Variants in FAM221B observed in about 807,000 individuals in gnomAD.
FAM221B encodes family with sequence similarity 221 member B.
Under a neutral mutation model 39.8 loss-of-function variants are expected in FAM221B, and 35 were observed. The ratio of observed to expected loss-of-function variants is 0.88; its 90% CI spans 0.67 to 1.17. FAM221B has a LOEUF of 1.17. FAM221B is among the 50% of genes most tolerant of loss of function. The probability of loss-of-function intolerance (pLI) is 0.00; values close to 1 mark genes in which losing one functional copy is unlikely to be tolerated. For missense variants in FAM221B, 479 were observed against 503.1 expected, an observed-to-expected ratio of 0.95 and a Z score of 0.46; for synonymous variants, 158 against 178.1, an observed-to-expected ratio of 0.89 and a Z score of 0.90.
rs759900623 is a variant in FAM221B at position 35,825,588 on chromosome 9, T to C, written c.574A>G (p.Thr192Ala). The stretch of plus-strand genomic sequence containing the variant: ...CCTAGTTGGTGTCCAGGTTGGGCTG[T>C]GTGAGCAGTGCTGTCACTGGCATCT... The part of the protein sequence containing the change: ...GVDASDSTAH[T>A]AQPGHQLGNT... The change falls in exon 2 of 7, where the codon ACA becomes GCA. Residue 192 changes from threonine to alanine, a missense_variant. By Grantham distance (58) the Thr-to-Ala change is moderately conservative. Transcript: ENST00000423537. The surrounding 1 kb of genome is among the most constrained non-coding windows in gnomAD (Gnocchi z 4.2). 1 of 1,613,224 alleles carries C rather than the reference T, an allele frequency of 6.2e-7. No individual in the cohort carries two copies. The highest frequency in any genetic ancestry group is 1.7e-5 in the Admixed American group (1 of 59,950).
In FAM221B at chr9:35,825,636, C is replaced by T. The variant is rs766706252; in HGVS notation, c.526G>A (p.Ala176Thr). ...VDTTEKQEEEAGEVEKGVDAS... is the reference protein window; with the variant it reads ...VDTTEKQEEETGEVEKGVDAS... Reference sequence around the variant, plus strand: ...TCTACTCCCTTTTCAACCTCTCCTGCTTCTTCCTCCTGCTTTTCGGTTGTG... The same window carrying T: ...TCTACTCCCTTTTCAACCTCTCCTGTTTCTTCCTCCTGCTTTTCGGTTGTG... The change falls in exon 2 of 7, where the codon GCA becomes ACA. Residue 176 changes from alanine (A) to threonine (T), a missense_variant. Physicochemically the swap from Ala to Thr is moderately conservative, Grantham distance 58 (BLOSUM62 0). Coordinates refer to ENST00000423537, the MANE Select transcript of FAM221B (RefSeq NM_001012446.4). This position sits in a 1 kb window ranked among gnomAD's most constrained non-coding sequence, Gnocchi z 4.2. 1.3e-5 allele frequency: 21 copies of T among 1,614,210 alleles called. No individual in the cohort carries two copies. Among genetic ancestry groups the T allele is most frequent in the Non-Finnish European group, 1.8e-5 (21 of 1,180,016 alleles).
intron 3 of FAM221B, among the ~76,000 whole-genome samples, chr9:35,824,765 T>C (rs1303996541): frequency 6.7e-6 from 1 of 149,900 alleles, no homozygotes; most frequent in Non-Finnish European, 1.5e-5. Context: ...CACTGCAAGC[T>C]CCACCTCCCG....
At chr9:35,824,455 C>A (rs1829246140) in intron 3 of FAM221B, among the ~76,000 whole-genome samples, 1 of 152,148 alleles carries the variant, frequency 6.6e-6, no homozygotes, top group South Asian at 2.1e-4. Context: ...CCTTTGGTAA[C>A]AGAACTCAAA....
chr9:35,819,321 C>G lies in FAM221B; in HGVS notation c.927G>C (p.Glu309Asp). The change falls in exon 5 of 7, where the codon GAG (glutamate) becomes GAC (aspartate). Residue 309 changes from glutamate to aspartate, a missense_variant. Physicochemically the swap from Glu to Asp is conservative, Grantham distance 45. Coordinates refer to ENST00000423537, the MANE Select transcript of FAM221B (RefSeq NM_001012446.4). ...MFCFIPSRPE[E>D]VGEFWLKRRA... ...GTCTCTTGAGCCAGAACTCACCCAC[C>G]TCCTCTGGGCGTGATGGGATAAAGC... 1.3e-6 allele frequency: 2 copies of G among 1,551,726 alleles called. No homozygotes were observed. The highest frequency in any genetic ancestry group is 1.7e-6 in the Non-Finnish European group (2 of 1,146,992).
chr9:35,828,714 A>G lies in FAM221B; in HGVS notation c.-252T>C, dbSNP rs1017778864. On this transcript the variant is annotated 5_prime_UTR_variant, in exon 1 of 7. Transcript: ENST00000423537. This position sits in a 1 kb window ranked among gnomAD's most constrained non-coding sequence, Gnocchi z 4.5. The stretch of plus-strand genomic sequence containing the variant: ...GGTAGGGACAAGGGGTCTAGGGCCA[A>G]TGAGGGAGGGTCTTGACTGAAGCCT... The G allele has an allele frequency of 1.0e-6, 1 of 985,428 alleles. No homozygotes were observed. Among genetic ancestry groups the G allele is most frequent in the Non-Finnish European group, 1.2e-6 (1 of 829,970 alleles). The allele number at this position is 985,428 out of a possible 1,614,324, so 61.0% of individuals were successfully genotyped here. A position where few individuals can be genotyped will look rare whatever the true frequency, so the allele number is the denominator to read the frequency against.
chr9:35,821,522 C>T, intron 3 of FAM221B: 1 of 1,367,936 alleles, frequency 7.3e-7, no homozygotes, highest in Non-Finnish European at 9.8e-7. Flanking sequence ...CCTGTAGTGC[C>T]AGTGCCCCCT....
rs571785466 is a variant in FAM221B at position 35,817,199 on chromosome 9, T to C, written c.*1270A>G. On this transcript the variant is annotated 3_prime_UTR_variant, in exon 7 of 7. Transcript: ENST00000423537. ...TCCCATAAGAACCTATGGACTCCCT[T>C]GTGACTTCCCACATTCACTGATTTT... 1 of 152,330 alleles carries C rather than the reference T, an allele frequency of 6.6e-6. No homozygotes were observed. Among genetic ancestry groups the C allele is most frequent in the African/African-American group, 2.4e-5 (1 of 41,546 alleles). The allele number at this position is 152,330 out of a possible 1,614,324, so 9.4% of individuals were successfully genotyped here. A position where few individuals can be genotyped will look rare whatever the true frequency, so the allele number is the denominator to read the frequency against.
rs1829105477 is a variant in FAM221B, at chr9:35,819,786, T to G, written c.853+104A>C. ...TCCCAAAGTGCTGGGATTACAGGGG[T>G]GAGCCACCGTGCCCAGCCACATGCT... On this transcript the variant is annotated intron_variant, in intron 4 of 6. Coordinates refer to ENST00000423537, the MANE Select transcript of FAM221B (RefSeq NM_001012446.4). The G allele has an allele frequency of 6.5e-6, 5 of 766,718 alleles. No individual in the cohort carries two copies. The Admixed American group carries it at 1.2e-4, about 19-fold the overall frequency. 47.5% of individuals were successfully genotyped at this position (766,718 alleles called of 1,614,324 possible).
chr9:35,827,883 A>T (rs1013938231), intron 1 of FAM221B, among the ~76,000 whole-genome samples: 1 of 152,222 alleles, frequency 6.6e-6, no homozygotes, highest in Non-Finnish European at 1.5e-5. Context: ...GAAGATGACC[A>T]GAGTCAGCTA....
rs1829461194 is a variant in FAM221B at position 35,828,099 on chromosome 9, C to A, written c.-1+364G>T. On this transcript the variant is annotated intron_variant, in intron 1 of 6. Transcript: ENST00000423537. The surrounding 1 kb of genome is among the most constrained non-coding windows in gnomAD (Gnocchi z 4.5). The stretch of plus-strand genomic sequence containing the variant: ...TTGAGGTCAGGAGTTCGAGACCAGC[C>A]TGGCCAACATGGTGAAACCCAGTCT... 6.6e-6 allele frequency among the ~76,000 whole-genome samples: 1 copy of A among 152,062 alleles called. No homozygotes were observed. The highest frequency in any genetic ancestry group is 2.4e-5 in the African/African-American group (1 of 41,396).
chr9:35,820,773 G>A (rs1365783129), intron 3 of FAM221B, among the ~76,000 whole-genome samples: 1 of 152,210 alleles, frequency 6.6e-6, no homozygotes, highest in South Asian at 2.1e-4. Flanking sequence ...GTCCCTGAGA[G>A]TAGGCACCAG....
chr9:35,821,221 C>G (rs1829143311), intron 3 of FAM221B, among the ~76,000 whole-genome samples: 1 of 152,222 alleles, frequency 6.6e-6, no homozygotes, highest in South Asian at 2.1e-4. Context: ...ATCTCTCATC[C>G]TAGCACAAGG....
chr9:35,824,349 G>A (rs1829239465), intron 3 of FAM221B, among the ~76,000 whole-genome samples: 1 of 152,198 alleles, frequency 6.6e-6, no homozygotes, highest in South Asian at 2.1e-4. Context: ...GTTTTTGCAA[G>A]TTCATCTGTA....
Position 35,819,219 on chromosome 9 carries a change from C to T in FAM221B, c.1029G>A (p.Gly343=). ...TACCATGATGCCTGCAGGGATGGGG[C>T]CCAGTGGCTGCATGTTCTTCGTGGC... ...KHSHEEHAAT[G]PHPCRHHGCC... Residue 343 remains glycine, a synonymous_variant, in exon 5 of 7, where the codon GGG becomes GGA. Transcript: ENST00000423537. 6.4e-7 allele frequency: 1 copy of T among 1,551,554 alleles called. No homozygotes were observed. The highest frequency in any genetic ancestry group is 8.7e-7 in the Non-Finnish European group (1 of 1,146,936).
intron 1 of FAM221B, among the ~76,000 whole-genome samples, chr9:35,827,936 G>A (rs779853366): frequency 1.3e-5 from 2 of 152,152 alleles, no homozygotes; most frequent in African/African-American, 2.4e-5. Context: ...AAGATGGGAG[G>A]TGAGGAAGGG....
rs532524768 is a variant in FAM221B at position 35,828,098 on chromosome 9, C to T, written c.-1+365G>A. 6.6e-6 allele frequency among the ~76,000 whole-genome samples: 1 copy of T among 152,078 alleles called. No individual in the cohort carries two copies. The highest frequency in any genetic ancestry group is 1.5e-5 in the Non-Finnish European group (1 of 68,012). On this transcript the variant is annotated intron_variant, in intron 1 of 6. Coordinates refer to ENST00000423537, the MANE Select transcript of FAM221B (RefSeq NM_001012446.4). This position sits in a 1 kb window ranked among gnomAD's most constrained non-coding sequence, Gnocchi z 4.5. ...CTTGAGGTCAGGAGTTCGAGACCAGCCTGGCCAACATGGTGAAACCCAGTC... is the reference window on the plus strand; with the variant it reads ...CTTGAGGTCAGGAGTTCGAGACCAGTCTGGCCAACATGGTGAAACCCAGTC...
intron 6 of FAM221B, 55 bp from the exon 7 acceptor site, chr9:35,818,561 G>T: frequency 1.3e-6 from 2 of 1,518,782 alleles, no homozygotes; most frequent in South Asian, 1.2e-5. Flanking sequence ...CAGAAGGGAG[G>T]CCAGGCTGGA....
chr9:35,822,988 C>T (rs942528114), intron 3 of FAM221B, among the ~76,000 whole-genome samples: 11 of 152,238 alleles, frequency 7.2e-5, no homozygotes, highest in Admixed American at 7.2e-4. Flanking sequence ...AATTCCTGCA[C>T]AATTCTGCCC....
chr9:35,825,349 G>A lies in FAM221B; in HGVS notation c.623C>T (p.Pro208Leu), dbSNP rs1186700804. The change falls in exon 3 of 7, where the codon CCT becomes CTT. Residue 208 changes from proline (P) to leucine (L), a missense_variant. Coordinates refer to ENST00000423537, the MANE Select transcript of FAM221B (RefSeq NM_001012446.4). This position sits in a 1 kb window ranked among gnomAD's most constrained non-coding sequence, Gnocchi z 4.2. ...TTCCACCAGCTCTGTCTGCCTAGCAGGGAACACTGGGCGGGCTGTGTTACC... is the reference window on the plus strand; with the variant it reads ...TTCCACCAGCTCTGTCTGCCTAGCAAGGAACACTGGGCGGGCTGTGTTACC... ...QLGNTARPVF[P>L]ARQTELVEVA... 1.2e-6 allele frequency: 2 copies of A among 1,614,220 alleles called. No homozygotes were observed. Among genetic ancestry groups the A allele is most frequent in the South Asian group, 2.2e-5 (2 of 91,090 alleles).
Sources: allele counts gnomAD v4.1 joint callset (sites outside exome capture counted in the v4.1 genomes callset), GRCh38; gene constraint gnomAD v4.1.1; non-coding constraint Gnocchi (gnomAD v3.1); transcripts MANE v1.5; gene names NCBI Gene and HGNC (gene_info 2026-07-23, HGNC 2026-07-21).